The following STK24 variants were observed in gnomAD, a reference collection of about 807,000 sequenced individuals.
The protein encoded by STK24 is serine/threonine-protein kinase 24.
In STK24, 21 loss-of-function variants were observed where a neutral mutation model predicts 55.6. The ratio of observed to expected loss-of-function variants is 0.38; its 90% CI spans 0.27 to 0.54. The LOEUF is 0.54. Among genes scored for constraint, STK24 ranks in the 20% least tolerant of loss-of-function variants. STK24 has a pLI of 0.79. For missense variants in STK24, 383 were observed against 538.4 expected, an observed-to-expected ratio of 0.71 and a Z score of 2.86; for synonymous variants, 200 against 215.2, an observed-to-expected ratio of 0.93 and a Z score of 0.62.
chr13:98,529,081 C>A (rs116082194), intron 1 of STK24, among the ~76,000 whole-genome samples: 1,710 of 152,292 alleles, frequency 0.011, 26 homozygotes, highest in African/African-American at 0.037. Flanking sequence ...AGGTGGAAAC[C>A]TACCTGTTGG....
intron 1 of STK24, among the ~76,000 whole-genome samples, chr13:98,563,098 A>C (rs1897471215): frequency 6.6e-6 from 1 of 152,148 alleles, no homozygotes; most frequent in African/African-American, 2.4e-5. Context: ...TCCCAGAGGA[A>C]GGAACCAGGG....
chr13:98,485,457 G>T (rs1894769424), intron 2 of STK24, among the ~76,000 whole-genome samples: 1 of 150,032 alleles, frequency 6.7e-6, no homozygotes, highest in Non-Finnish European at 1.5e-5. Context: ...CAAGTGCAGG[G>T]CCTGCAAAAT....
intron 8 of STK24, among the ~76,000 whole-genome samples, chr13:98,461,157 C>T (rs1594574091): frequency 2.6e-5 from 4 of 152,098 alleles, no homozygotes; most frequent in Middle Eastern, 3.4e-3. Flanking sequence ...GGACAGAGAC[C>T]GAGTTTCTAC....
intron 1 of STK24, among the ~76,000 whole-genome samples, chr13:98,519,960 C>A (rs578063249): frequency 3.8e-4 from 58 of 152,294 alleles, no homozygotes; most frequent in African/African-American, 1.4e-3. Flanking sequence ...AACTATGCAT[C>A]TTCATGAATA....
At chr13:98,543,116 T>A in intron 1 of STK24, 1 of 646,982 alleles carries the variant, frequency 1.5e-6, no homozygotes, top group Non-Finnish European at 1.9e-6. Context: ...AGGAGACCAG[T>A]CATGCCATCC....
intron 1 of STK24, among the ~76,000 whole-genome samples, chr13:98,566,949 G>C (rs562062645): frequency 2.0e-5 from 3 of 152,164 alleles, no homozygotes. Flanking sequence ...CATTGAACAC[G>C]CTTCCAAAGT....
In STK24 at chr13:98,487,179, C is replaced by T. The variant is rs940894217; in HGVS notation, c.274-4858G>A. 2.1e-4 allele frequency among the ~76,000 whole-genome samples: 32 copies of T among 152,300 alleles called. 1 individual carries two copies. The highest frequency in any genetic ancestry group is 3.9e-4 in the East Asian group (2 of 5,194). The stretch of plus-strand genomic sequence containing the variant: ...AGCGTCTGAGTGGCAGCCTGTTCTC[C>T]GGGAAGGACCCAGCTCTGTCCTGCA... On this transcript the variant is annotated intron_variant, in intron 2 of 10. Transcript: ENST00000539966.
At position 98,555,030 on chromosome 13, in the gene STK24, A is replaced by G. The variant is rs548511402; in HGVS notation, c.42+21715T>C. Among the ~76,000 whole-genome samples, 196 of 151,334 alleles carry G rather than the reference A, an allele frequency of 1.3e-3. 3 individuals carry two copies. In the South Asian group the frequency reaches 0.016, roughly 12 times the overall value. ...ACTCCAACTCAAAAAAAAAAAAAAA[A>G]AAAAGAAAGAAAAAATAGTTTAAGA... On this transcript the variant is annotated intron_variant, in intron 1 of 10. Transcript: ENST00000539966.
At chr13:98,549,932 T>C (rs1055155598) in intron 1 of STK24, among the ~76,000 whole-genome samples, 1 of 152,138 alleles carries the variant, frequency 6.6e-6, no homozygotes, top group African/African-American at 2.4e-5. Context: ...AGCTACCTAT[T>C]TCCTTGCCTC....
chr13:98,445,308 G>C lies in STK24; in HGVS notation c.*7865C>G, dbSNP rs539727498. Reference sequence around the variant, plus strand: ...TTACAAGGTGGTGCAACTGCTTTGAGTCTCTGCTGGTGATGTCACTTTGGC... The same window carrying C: ...TTACAAGGTGGTGCAACTGCTTTGACTCTCTGCTGGTGATGTCACTTTGGC... On this transcript the variant is annotated 3_prime_UTR_variant, in exon 11 of 11. Transcript: ENST00000539966. The C allele has an allele frequency of 4.5e-4, 69 of 152,414 alleles. No individual in the cohort carries two copies. Among genetic ancestry groups the C allele is most frequent in the Admixed American group, 9.8e-4 (15 of 15,308 alleles). 9.4% of individuals were successfully genotyped at this position (152,414 alleles called of 1,614,324 possible). A position where few individuals can be genotyped will look rare whatever the true frequency, so the allele number is the denominator to read the frequency against.
At chr13:98,503,791 T>A (rs1329046122) in intron 2 of STK24, among the ~76,000 whole-genome samples, 2 of 152,210 alleles carry the variant, frequency 1.3e-5, no homozygotes, top group African/African-American at 4.8e-5. Context: ...TTTTCCTTTT[T>A]TAAAACTGCA....
chr13:98,477,558 C>T (rs1204094980), intron 3 of STK24, among the ~76,000 whole-genome samples: 1 of 151,972 alleles, frequency 6.6e-6, no homozygotes, highest in Non-Finnish European at 1.5e-5. Flanking sequence ...GCTTGTAATC[C>T]CAGCTACTTG....
chr13:98,458,961 T>G (rs558784916), intron 9 of STK24, among the ~76,000 whole-genome samples: 1 of 152,230 alleles, frequency 6.6e-6, no homozygotes, highest in East Asian at 1.9e-4. Context: ...TTGGGAAAGA[T>G]GCCTGTGAGT....
chr13:98,558,251 A>G (rs1897326480), intron 1 of STK24, among the ~76,000 whole-genome samples: 1 of 152,198 alleles, frequency 6.6e-6, no homozygotes, highest in African/African-American at 2.4e-5. Context: ...ATATCTATTC[A>G]GATCAACACA....
At chr13:98,550,819 T>C (rs1376004758) in intron 1 of STK24, among the ~76,000 whole-genome samples, 2 of 152,234 alleles carry the variant, frequency 1.3e-5, no homozygotes, top group African/African-American at 4.8e-5. Context: ...AAATCATTTA[T>C]ACAGCTTACT....
intron 1 of STK24, among the ~76,000 whole-genome samples, chr13:98,544,673 G>T (rs778031677): frequency 6.6e-6 from 1 of 152,188 alleles, no homozygotes; most frequent in Non-Finnish European, 1.5e-5. Flanking sequence ...ATGCGGAGAC[G>T]CCTCTACAAG....
chr13:98,479,294 A>AT (rs1042732931), intron 3 of STK24, among the ~76,000 whole-genome samples: 3 of 152,168 alleles, frequency 2.0e-5, no homozygotes, highest in Admixed American at 6.5e-5. Flanking sequence ...TTTATTTTAA[A>AT]TTTTTTTAAA....
At chr13:98,575,683 T>C (rs1192129271) in intron 1 of STK24, among the ~76,000 whole-genome samples, 1 of 152,190 alleles carries the variant, frequency 6.6e-6, no homozygotes, top group Non-Finnish European at 1.5e-5. Flanking sequence ...AATCAACCAG[T>C]AATCTACTTG....
At chr13:98,481,850 C>G (rs1305095389) in intron 3 of STK24, among the ~76,000 whole-genome samples, 1 of 152,112 alleles carries the variant, frequency 6.6e-6, no homozygotes, top group Admixed American at 6.6e-5. Flanking sequence ...GAGTTTGAGA[C>G]CAGCTTGGCC....
Sources: gnomAD v4.1 joint callset for allele counts (sites outside exome capture counted in the v4.1 genomes callset) on GRCh38, gnomAD v4.1.1 for gene constraint, MANE v1.5 for transcripts, NCBI Gene and HGNC (gene_info 2026-07-23, HGNC 2026-07-21) for gene names.